TMEM135: variants seen among roughly 807,000 people sequenced by gnomAD.
TMEM135 encodes transmembrane protein 135, also known as peroxisomal membrane protein 52.
In TMEM135, 30 loss-of-function variants were observed where a neutral mutation model predicts 60.3. The ratio of observed to expected loss-of-function variants is 0.50; its 90% CI spans 0.37 to 0.68. The LOEUF (loss-of-function observed/expected upper bound fraction) is 0.68, where lower values mean the gene tolerates loss of function less well. Ranked by LOEUF, TMEM135 falls within the 30% of genes least tolerant of loss-of-function variation. TMEM135 has a pLI of 0.00. For synonymous variants in TMEM135, 190 were observed against 186.7 expected (o/e 1.02, Z -0.14); for missense variants, 468 against 548.8 (o/e 0.85, Z 1.47).
chr11:87,278,780 A>G lies in TMEM135; in HGVS notation c.510-17002A>G, dbSNP rs367892885. Among the ~76,000 whole-genome samples the G allele has an allele frequency of 3.3e-5, 5 of 151,306 alleles. No homozygotes were observed. The South Asian group carries it at 6.3e-4, about 19-fold the overall frequency. On this transcript the variant is annotated intron_variant, in intron 6 of 14. Coordinates refer to ENST00000305494, the MANE Select transcript of TMEM135 (RefSeq NM_022918.4). ...AGTTTTGACAAATGTAACCACCCCCAAGGTCAAATTCAGAATATTTTCATC... is the reference window on the plus strand; with the variant it reads ...AGTTTTGACAAATGTAACCACCCCCGAGGTCAAATTCAGAATATTTTCATC...
intron 12 of TMEM135, among the ~76,000 whole-genome samples, chr11:87,316,164 C>T (rs1416381314): frequency 6.6e-6 from 1 of 151,866 alleles, no homozygotes; most frequent in Non-Finnish European, 1.5e-5. Flanking sequence ...CCTCCCCTTG[C>T]TTTTTAGAAA....
chr11:87,285,759 G>T (rs1942153302), intron 6 of TMEM135, among the ~76,000 whole-genome samples: 1 of 152,184 alleles, frequency 6.6e-6, no homozygotes, highest in African/African-American at 2.4e-5. Flanking sequence ...TGCTGACTCT[G>T]GCAGCTTGCT....
intron 4 of TMEM135, among the ~76,000 whole-genome samples, chr11:87,154,206 C>G (rs1190414957): frequency 6.6e-6 from 1 of 152,174 alleles, no homozygotes; most frequent in Non-Finnish European, 1.5e-5. Flanking sequence ...ACTCTAGATA[C>G]TTCATATAAG....
intron 4 of TMEM135, among the ~76,000 whole-genome samples, chr11:87,111,733 T>C (rs1182989753): frequency 6.6e-6 from 1 of 151,784 alleles, no homozygotes; most frequent in Non-Finnish European, 1.5e-5. Flanking sequence ...TATACCCACA[T>C]AGAAATATAG....
intron 5 of TMEM135, among the ~76,000 whole-genome samples, chr11:87,225,764 G>C (rs1940752385): frequency 6.6e-6 from 1 of 152,106 alleles, no homozygotes; most frequent in African/African-American, 2.4e-5. Context: ...TTTGAAGTCA[G>C]ACAGTCCTGG....
Position 87,323,305 on chromosome 11 carries a change from G to A in TMEM135, c.*1972G>A. On this transcript the variant is annotated 3_prime_UTR_variant, in exon 15 of 15. Transcript: ENST00000305494. ...CTATCATGAAGCAGAATACAATGAT[G>A]AATGTATAGGTTGAGTGAATAACCA... 1 of 453,950 alleles carries A rather than the reference G, an allele frequency of 2.2e-6. No individual in the cohort carries two copies. Among genetic ancestry groups the A allele is most frequent in the Non-Finnish European group, 4.4e-6 (1 of 226,728 alleles). The allele number at this position is 453,950 out of a possible 1,614,324, so 28.1% of individuals were successfully genotyped here.
chr11:87,291,714 T>G (rs571937503), intron 6 of TMEM135, among the ~76,000 whole-genome samples: 5 of 151,924 alleles, frequency 3.3e-5, no homozygotes, highest in African/African-American at 1.2e-4. Flanking sequence ...GGCTAATTTT[T>G]GTGTTTTCTG....
At chr11:87,289,167 T>A (rs1259872582) in intron 6 of TMEM135, among the ~76,000 whole-genome samples, 1 of 152,176 alleles carries the variant, frequency 6.6e-6, no homozygotes, top group Non-Finnish European at 1.5e-5. Context: ...ATTTTATCTT[T>A]TAAAAAATTG....
chr11:87,128,893 A>T (rs1937814906), intron 4 of TMEM135, among the ~76,000 whole-genome samples: 1 of 118,288 alleles, frequency 8.5e-6, no homozygotes, highest in South Asian at 2.7e-4. Flanking sequence ...ATATTTATGC[A>T]ATGGAATACT....
At chr11:87,247,578 C>T (rs1941312954) in intron 6 of TMEM135, among the ~76,000 whole-genome samples, 1 of 152,212 alleles carries the variant, frequency 6.6e-6, no homozygotes, top group Non-Finnish European at 1.5e-5. Flanking sequence ...CCTCCCCCAG[C>T]CTCGCTGCCA....
At chr11:87,078,740 A>C (rs1856923689) in intron 3 of TMEM135, among the ~76,000 whole-genome samples, 1 of 151,226 alleles carries the variant, frequency 6.6e-6, no homozygotes, top group Non-Finnish European at 1.5e-5. Flanking sequence ...CAGCCTCCCA[A>C]GTAGCTGGGA....
chr11:87,177,710 A>G (rs1443770977), intron 5 of TMEM135, among the ~76,000 whole-genome samples: 1 of 152,060 alleles, frequency 6.6e-6, no homozygotes, highest in African/African-American at 2.4e-5. Context: ...GGTATATTGT[A>G]ATACAGTTCT....
intron 5 of TMEM135, among the ~76,000 whole-genome samples, chr11:87,233,844 T>TATGATG (rs1321694724): frequency 2.6e-5 from 4 of 152,032 alleles, no homozygotes; most frequent in African/African-American, 9.7e-5. Flanking sequence ...GATGAAAAAA[T>TATGATG]ATGATGGTTT....
At chr11:87,211,771 C>T (rs929351415) in intron 5 of TMEM135, among the ~76,000 whole-genome samples, 21 of 151,978 alleles carry the variant, frequency 1.4e-4, no homozygotes, top group African/African-American at 3.9e-4. Flanking sequence ...GGTGAAACCC[C>T]GTCTCTACTA....
At chr11:87,038,228 A>C in intron 1 of TMEM135, 42 bp downstream of exon 1, 1 of 1,603,936 alleles carries the variant, frequency 6.2e-7, no homozygotes, top group South Asian at 1.1e-5. Flanking sequence ...TTTAGTCTGG[A>C]AGATGGGCCG....
chr11:87,320,771 T>A (rs7108829), intron 14 of TMEM135, among the ~76,000 whole-genome samples: 86,046 of 152,034 alleles, frequency 0.57, 25,285 homozygotes, highest in Non-Finnish European at 0.66. Flanking sequence ...TGAGACATTA[T>A]GATGTCAATT....
chr11:87,287,646 C>T (rs1226885316), intron 6 of TMEM135, among the ~76,000 whole-genome samples: 2 of 152,202 alleles, frequency 1.3e-5, no homozygotes, highest in African/African-American at 4.8e-5. Context: ...CACTGCACTC[C>T]AGCCTGGCGA....
intron 6 of TMEM135, among the ~76,000 whole-genome samples, chr11:87,267,055 A>G (rs988785925): frequency 2.0e-5 from 3 of 152,182 alleles, no homozygotes; most frequent in Non-Finnish European, 4.4e-5. Context: ...TTTAAGCTGG[A>G]TAAGGAGGAT....
At chr11:87,173,048 G>A (rs900120330) in intron 5 of TMEM135, among the ~76,000 whole-genome samples, 1 of 151,782 alleles carries the variant, frequency 6.6e-6, no homozygotes, top group African/African-American at 2.4e-5. Flanking sequence ...TTTATACAAG[G>A]AAACCTAGAA....
Sources: allele counts gnomAD v4.1 joint callset (sites outside exome capture counted in the v4.1 genomes callset), GRCh38; gene constraint gnomAD v4.1.1; transcripts MANE v1.5; gene names NCBI Gene and HGNC (gene_info 2026-07-23, HGNC 2026-07-21).